Variants in ADAM8 observed in about 807,000 individuals in gnomAD.
The protein encoded by ADAM8 is ADAM metallopeptidase domain 8.
Under a neutral mutation model 102.4 loss-of-function variants are expected in ADAM8, and 104 were observed. The observed-to-expected ratio is 1.02, with a 90% CI of 0.87 to 1.20. ADAM8 has a LOEUF of 1.20. Among genes scored for constraint, ADAM8 ranks in the 50% most tolerant of loss-of-function variants. ADAM8 has a pLI of 0.00. For synonymous variants in ADAM8, 517 were observed against 485.2 expected (o/e 1.07, Z -0.86); for missense variants, 1,132 against 1,159.0 (o/e 0.98, Z 0.34).
At chr10:133,269,875 T>C (rs1413921084) in intron 17 of ADAM8, 22 bp downstream of exon 17, 1 of 1,611,756 alleles carries the variant, frequency 6.2e-7, no homozygotes, top group African/African-American at 1.3e-5. Flanking sequence ...GCAGGGGCCC[T>C]GTCCCGAGAG....
chr10:133,268,266 G>A (rs1181488236), intron 19 of ADAM8, 148 bp from the exon 20 acceptor site: 32 of 753,376 alleles, frequency 4.2e-5, no homozygotes, highest in Non-Finnish European at 5.2e-5. Flanking sequence ...CCCAGGAGGT[G>A]GGGCGGACCC....
chr10:133,269,197 C>T, intron 18 of ADAM8: 1 of 984,650 alleles, frequency 1.0e-6, no homozygotes, highest in Non-Finnish European at 1.2e-6. Context: ...AGGCTGAGGA[C>T]ACTGGAGTCT....
chr10:133,263,584 A>G, intron 22 of ADAM8, 104 bp downstream of exon 22: 2 of 82,012 alleles, frequency 2.4e-5, no homozygotes, highest in African/African-American at 1.7e-4. Context: ...ACAGATAATC[A>G]GAAAAAAACC....
chr10:133,270,295 C>T (rs1846475708), intron 16 of ADAM8, 65 bp downstream of exon 16: 3 of 1,535,280 alleles, frequency 2.0e-6, no homozygotes, highest in Non-Finnish European at 1.8e-6. Flanking sequence ...AACGCATCTG[C>T]ACCCACGTGG....
chr10:133,269,980 G>C lies in ADAM8; in HGVS notation c.1786-6C>G. 6.2e-7 allele frequency: 1 copy of C among 1,612,478 alleles called. No individual in the cohort carries two copies. Among genetic ancestry groups the C allele is most frequent in the Non-Finnish European group, 8.5e-7 (1 of 1,179,892 alleles). On this transcript the variant is annotated splice_region_variant and splice_polypyrimidine_tract_variant and intron_variant, in intron 16 of 22. Transcript: ENST00000445355. ...CAACGTCCTTTCCAGCAAACCTGGG[G>C]GTAGGAGGCGTCTCTCAGGCAGCCG...
At position 133,262,586 on chromosome 10, in the gene ADAM8, A is replaced by G. The variant is rs1846196806; in HGVS notation, c.*570T>C. 1 of 153,650 alleles carries G rather than the reference A, an allele frequency of 6.5e-6. No homozygotes were observed. Among genetic ancestry groups the G allele is most frequent in the Admixed American group, 6.5e-5 (1 of 15,364 alleles). The allele number at this position is 153,650 out of a possible 1,614,324, so 9.5% of individuals were successfully genotyped here. ...AGGCGATTCCTAAGCTTAAACACAC[A>G]CAAAGCTGGGGCTGTCCCTCTTGAA... On this transcript the variant is annotated 3_prime_UTR_variant, in exon 23 of 23. Coordinates refer to ENST00000445355, the MANE Select transcript of ADAM8 (RefSeq NM_001109.5).
At chr10:133,268,566 C>T (rs951026655) in intron 19 of ADAM8, among the ~76,000 whole-genome samples, 182 bp downstream of exon 19, 4 of 152,218 alleles carry the variant, frequency 2.6e-5, no homozygotes, top group African/African-American at 9.6e-5. Flanking sequence ...GTGGCACTGG[C>T]CGAGTGGAGC....
Position 133,270,917 on chromosome 10 carries a change from T to A in ADAM8, c.1528A>T (p.Thr510Ser), listed in dbSNP as rs777544211. 1.2e-5 allele frequency: 20 copies of A among 1,612,598 alleles called. No homozygotes were observed. Among genetic ancestry groups the A allele is most frequent in the Non-Finnish European group, 1.6e-5 (19 of 1,179,838 alleles). Residue 510 changes from threonine (T) to serine (S), a missense_variant, in exon 14 of 23, where the codon ACA (threonine) becomes TCA (serine). Transcript: ENST00000445355. ...GGYCYNGACP[T>S]LAQQCQAFWG... ...AAGGCCTGGCACTGCTGGGCCAGTG[T>A]GGGACAGGCCCCGTTGTAGCAGTAG...
In ADAM8 at chr10:133,270,413, C is replaced by A; in HGVS notation, c.1732G>T (p.Asp578Tyr). The change falls in exon 16 of 23, where the codon GAT becomes TAT. Residue 578 changes from aspartate (D) to tyrosine (Y), a missense_variant. By Grantham distance (160) the Asp-to-Tyr change is radical. Coordinates refer to ENST00000445355, the MANE Select transcript of ADAM8 (RefSeq NM_001109.5). ...VDVCHALTTE[D>Y]GTAYEPVPEG... is the part of the protein sequence containing the mutation. ...GGCACTGGTTCATACGCAGTGCCAT[C>A]CTCTGTGGTGAGCGCGTGGCACACA... The A allele has an allele frequency of 6.2e-7, 1 of 1,605,080 alleles. No individual in the cohort carries two copies. Among genetic ancestry groups the A allele is most frequent in the Non-Finnish European group, 8.5e-7 (1 of 1,173,742 alleles).
chr10:133,270,897 C>T lies in ADAM8; in HGVS notation c.1548G>A (p.Gln516=), dbSNP rs755556120. 2.5e-6 allele frequency: 4 copies of T among 1,611,690 alleles called. No individual in the cohort carries two copies. The East Asian group carries it at 8.9e-5, about 36-fold the overall frequency. ...GACPTLAQQC[Q]AFWGPGGQAA... ...CCACTTCACCTGGCCCCCAGAAGGC[C>T]TGGCACTGCTGGGCCAGTGTGGGAC... The change falls in exon 14 of 23, where the codon CAG becomes CAA. Residue 516 remains glutamine, a synonymous_variant. Coordinates refer to ENST00000445355, the MANE Select transcript of ADAM8 (RefSeq NM_001109.5).
chr10:133,273,731 G>GGGA (rs1564927220), intron 5 of ADAM8, 31 bp downstream of exon 5: 2 of 1,543,008 alleles, frequency 1.3e-6, no homozygotes, highest in South Asian at 2.4e-5. Flanking sequence ...CTCCACCTGC[G>GGGA]GGAGCCCTGG....
chr10:133,264,534 G>A (rs1846262280), intron 21 of ADAM8, among the ~76,000 whole-genome samples: 1 of 152,190 alleles, frequency 6.6e-6, no homozygotes, highest in Admixed American at 6.5e-5. Flanking sequence ...AGCCTGGGTG[G>A]GCTAAGCATT....
chr10:133,266,765 G>C (rs1021169991), intron 21 of ADAM8, among the ~76,000 whole-genome samples: 1 of 152,190 alleles, frequency 6.6e-6, no homozygotes. Flanking sequence ...CCCACTGCCA[G>C]AGCGGTTTCC....
At chr10:133,275,950 G>C in intron 1 of ADAM8, 1 of 223,374 alleles carries the variant, frequency 4.5e-6, no homozygotes, top group Non-Finnish European at 8.7e-6. Flanking sequence ...CGACCTGCCC[G>C]TTTCCATTCT....
At chr10:133,274,858 G>T in intron 2 of ADAM8, 1 of 434,246 alleles carries the variant, frequency 2.3e-6, no homozygotes, top group Non-Finnish European at 4.7e-6. Context: ...GTGCAGGCTG[G>T]GGCTCGGCCT....
rs560489589 is a variant in ADAM8, at chr10:133,275,142, C to A, written c.150+342G>T. Among the ~76,000 whole-genome samples, 3 of 152,222 alleles carry A rather than the reference C, an allele frequency of 2.0e-5. No individual in the cohort carries two copies. In the East Asian group the frequency reaches 5.8e-4, roughly 29 times the overall value. ...AACCCCCGCCAGGCCCCCCCCCCAACACAGGAAGGTGTGTCAACTCTGCGG... is the reference window on the plus strand; with the variant it reads ...AACCCCCGCCAGGCCCCCCCCCCAAAACAGGAAGGTGTGTCAACTCTGCGG... On this transcript the variant is annotated intron_variant, in intron 2 of 22. Coordinates refer to ENST00000445355, the MANE Select transcript of ADAM8 (RefSeq NM_001109.5).
chr10:133,266,300 C>T (rs1466968795), intron 21 of ADAM8, among the ~76,000 whole-genome samples: 2 of 152,148 alleles, frequency 1.3e-5, no homozygotes, highest in African/African-American at 2.4e-5. Context: ...CGTGGAGCCT[C>T]GGCTGCGCGC....
At position 133,271,641 on chromosome 10, in the gene ADAM8, G is replaced by T; in HGVS notation, c.1171C>A (p.Pro391Thr). Reference sequence around the variant, plus strand: ...GCGTTGGCGAGGCACACCGACTGCGGCCGCTCCAAAAAGCTCTCCAGGTAG... The same window carrying T: ...GCGTTGGCGAGGCACACCGACTGCGTCCGCTCCAAAAAGCTCTCCAGGTAG... ...QAYLESFLERPQSVCLANAPD... is the reference protein window; with the variant it reads ...QAYLESFLERTQSVCLANAPD... The change falls in exon 12 of 23, where the codon CCG (proline) becomes ACG (threonine). Residue 391 changes from proline (P) to threonine (T), a missense_variant. Transcript: ENST00000445355. 1 of 1,556,132 alleles carries T rather than the reference G, an allele frequency of 6.4e-7. No homozygotes were observed. Among genetic ancestry groups the T allele is most frequent in the East Asian group, 2.4e-5 (1 of 41,472 alleles).
Position 133,275,520 on chromosome 10 carries a change from T to C in ADAM8, c.114A>G (p.Pro38=), listed in dbSNP as rs1171354121. 37 of 1,526,822 alleles carry C rather than the reference T, an allele frequency of 2.4e-5. No individual in the cohort carries two copies. Among genetic ancestry groups the C allele is most frequent in the Non-Finnish European group, 2.9e-5 (33 of 1,138,036 alleles). The allele number at this position is 1,526,822 out of a possible 1,614,324, so 94.6% of individuals were successfully genotyped here. A position where few individuals can be genotyped will look rare whatever the true frequency, so the allele number is the denominator to read the frequency against. The change falls in exon 2 of 23, where the codon CCA becomes CCG. Residue 38 remains proline (P), a synonymous_variant. Transcript: ENST00000445355. The part of the protein sequence containing the change: ...QYEVVLPWRL[P]GPRVRRALPS... ...GCAGAGCTCGGCGGACTCGGGGGCC[T>C]GGCAGACGCCACGGCAACACGACCT...
Sources: allele counts gnomAD v4.1 joint callset (sites outside exome capture counted in the v4.1 genomes callset), GRCh38; gene constraint gnomAD v4.1.1; transcripts MANE v1.5; gene names NCBI Gene and HGNC (gene_info 2026-07-23, HGNC 2026-07-21).